Variants in NCKAP5 observed in about 807,000 individuals in gnomAD.
NCKAP5 encodes nck-associated protein 5.
NCKAP5 carries 92 observed loss-of-function variants against 167.0 expected under a neutral mutation model. The ratio of observed to expected loss-of-function variants is 0.55; its 90% confidence interval spans 0.47 to 0.66. NCKAP5 has a LOEUF of 0.66. Ranked by LOEUF, NCKAP5 falls within the 30% of genes least tolerant of loss-of-function variation. The pLI is 0.00. For synonymous variants in NCKAP5, 891 were observed against 877.4 expected, an observed-to-expected ratio of 1.02 and a Z score of -0.27; for missense variants, 2,378 against 2,315.0, an observed-to-expected ratio of 1.03 and a Z score of -0.56.
chr2:133,589,648 T>C, the NCKAP5 span, among the ~76,000 whole-genome samples: 38 of 152,328 alleles, frequency 2.5e-4, no homozygotes, highest in African/African-American at 8.7e-4. Flanking sequence ...AGTGAGGTAA[T>C]GTTCAGGCAC....
At chr2:132,685,765 A>T (rs113174395) in intron 19 of NCKAP5, among the ~76,000 whole-genome samples, 1,676 of 152,272 alleles carry the variant, frequency 0.011, 24 homozygotes, top group African/African-American at 0.036. Flanking sequence ...AGAGAGCTGC[A>T]GTAGAAATTG....
intron 3 of NCKAP5, among the ~76,000 whole-genome samples, chr2:133,505,565 C>T (rs1034016696): frequency 2.0e-5 from 3 of 152,114 alleles, no homozygotes; most frequent in African/African-American, 7.2e-5. Flanking sequence ...CCTAAATTCA[C>T]TCAACAACCC....
intron 8 of NCKAP5, among the ~76,000 whole-genome samples, chr2:132,894,094 G>A (rs1245757005): frequency 6.6e-6 from 1 of 152,182 alleles, no homozygotes; most frequent in East Asian, 1.9e-4. Context: ...GGGACCAAAT[G>A]TATATTTTAA....
chr2:133,076,537 G>A (rs1573957894), intron 6 of NCKAP5, among the ~76,000 whole-genome samples: 1 of 152,262 alleles, frequency 6.6e-6, no homozygotes, highest in East Asian at 1.9e-4. Context: ...ATTAGGAACA[G>A]TATTCATCTG....
chr2:132,960,788 C>A (rs535408854), intron 8 of NCKAP5, among the ~76,000 whole-genome samples: 1 of 152,188 alleles, frequency 6.6e-6, no homozygotes, highest in Admixed American at 6.5e-5. Context: ...GTCATCTCTG[C>A]ATTTCATTTT....
chr2:133,324,276 G>A (rs919506419), intron 3 of NCKAP5, among the ~76,000 whole-genome samples: 6 of 152,256 alleles, frequency 3.9e-5, no homozygotes, highest in Non-Finnish European at 7.3e-5. Flanking sequence ...TGAGAGGGCA[G>A]GAGGCCTGAG....
chr2:133,313,102 C>T (rs1158130744), intron 3 of NCKAP5, among the ~76,000 whole-genome samples: 1 of 152,194 alleles, frequency 6.6e-6, no homozygotes, highest in East Asian at 1.9e-4. Context: ...GCCCTTCCCA[C>T]AGCTAACTGC....
intron 6 of NCKAP5, among the ~76,000 whole-genome samples, chr2:133,067,447 T>C (rs1357491914): frequency 6.6e-6 from 1 of 152,204 alleles, no homozygotes; most frequent in African/African-American, 2.4e-5. Flanking sequence ...ATGGATACAA[T>C]TGCTTAGGTT....
At chr2:133,501,401 G>C (rs6755702) in intron 3 of NCKAP5, among the ~76,000 whole-genome samples, 29,887 of 152,024 alleles carry the variant, frequency 0.2, 3,474 homozygotes, top group East Asian at 0.39. Flanking sequence ...TCCTTAATTA[G>C]CCCTGTTGAT....
chr2:132,782,844 G>GAGAGCTTTCCGTGGA lies in NCKAP5; in HGVS notation c.3952_3966dup (p.Ser1318_Ser1322dup). ...ATGGGAGCAGAAGGGGCCTTGTTGG[G>GAGAGCTTTCCGTGGA]AGAGCTTTCCGTGGAAGAGTTCTGC... On this transcript the variant is annotated inframe_insertion, in exon 14 of 20. Transcript: ENST00000409261. The GAGAGCTTTCCGTGGA allele has an allele frequency of 6.2e-7, 1 of 1,613,970 alleles. No individual in the cohort carries two copies. The highest frequency in any genetic ancestry group is 8.5e-7 in the Non-Finnish European group (1 of 1,179,886).
chr2:133,637,099 GTTGT>G, the NCKAP5 span, among the ~76,000 whole-genome samples: 1 of 151,598 alleles, frequency 6.6e-6, no homozygotes, highest in Non-Finnish European at 1.5e-5. Flanking sequence ...GTATACTTTT[GTTGT>G]TTATCTGAAA....
chr2:132,887,920 T>C (rs1692384354), intron 8 of NCKAP5, among the ~76,000 whole-genome samples: 2 of 152,238 alleles, frequency 1.3e-5, no homozygotes, highest in Middle Eastern at 3.4e-3. Flanking sequence ...AAAGCATAAA[T>C]AGTGATTTAA....
intron 19 of NCKAP5, among the ~76,000 whole-genome samples, chr2:132,701,780 T>C (rs1390049411): frequency 6.6e-6 from 1 of 152,174 alleles, no homozygotes; most frequent in Non-Finnish European, 1.5e-5. Flanking sequence ...ATACCACTTA[T>C]GTCTATGACT....
intron 19 of NCKAP5, among the ~76,000 whole-genome samples, chr2:132,681,423 A>T (rs1391501747): frequency 6.6e-6 from 1 of 151,674 alleles, no homozygotes; most frequent in East Asian, 1.9e-4. Flanking sequence ...AAGCCGGGCC[A>T]TGGCAGGCTT....
At chr2:133,471,932 T>A (rs1347806141) in intron 3 of NCKAP5, among the ~76,000 whole-genome samples, 4 of 152,244 alleles carry the variant, frequency 2.6e-5, no homozygotes, top group Non-Finnish European at 4.4e-5. Flanking sequence ...TCATTGATCA[T>A]AAACTTTTAT....
chr2:133,629,329 A>G, the NCKAP5 span, among the ~76,000 whole-genome samples: 1 of 152,238 alleles, frequency 6.6e-6, no homozygotes, highest in Non-Finnish European at 1.5e-5. Flanking sequence ...AATGACATGA[A>G]CAGACACTTC....
At chr2:132,678,507 T>C (rs1376687018) in intron 19 of NCKAP5, among the ~76,000 whole-genome samples, 1 of 152,132 alleles carries the variant, frequency 6.6e-6, no homozygotes. Flanking sequence ...TCAACATAAT[T>C]TCTTATTTCT....
intron 1 of NCKAP5, among the ~76,000 whole-genome samples, chr2:133,563,537 C>T (rs1010049449): frequency 1.7e-4 from 21 of 126,822 alleles, no homozygotes; most frequent in Non-Finnish European, 4.7e-5. Context: ...CCACTGCACT[C>T]CAGCCTGGTG....
At chr2:133,095,826 T>C (rs2081328522) in intron 6 of NCKAP5, among the ~76,000 whole-genome samples, 1 of 152,148 alleles carries the variant, frequency 6.6e-6, no homozygotes, top group Admixed American at 6.5e-5. Flanking sequence ...TTCCAGTCAT[T>C]AAACTGGACC....
Sources: allele counts gnomAD v4.1 joint callset (sites outside exome capture counted in the v4.1 genomes callset), GRCh38; gene constraint gnomAD v4.1.1; transcripts MANE v1.5; gene names NCBI Gene and HGNC (gene_info 2026-07-23, HGNC 2026-07-21).